The following OSBPL3 variants were observed in gnomAD, a reference collection of about 807,000 sequenced individuals.
OSBPL3 encodes oxysterol binding protein like 3, also known as oxysterol-binding protein-related protein 3.
OSBPL3 carries 65 observed loss-of-function variants against 120.1 expected under a neutral mutation model. That is an observed-to-expected ratio of 0.54 (90% confidence interval 0.44 to 0.67). The LOEUF is 0.67. Among genes scored for constraint, OSBPL3 ranks in the 30% least tolerant of loss-of-function variants. The pLI is 0.00. For missense variants in OSBPL3, 1,004 were observed against 1,082.1 expected (o/e 0.93, Z 1.01); for synonymous variants, 416 against 402.6 (o/e 1.03, Z -0.40).
At chr7:24,841,384 T>C (rs189596625) in intron 13 of OSBPL3, among the ~76,000 whole-genome samples, 2 of 151,894 alleles carry the variant, frequency 1.3e-5, no homozygotes, top group African/African-American at 4.8e-5. Context: ...TCCTTCTCTA[T>C]AGTAGACACA....
rs981881359 is a variant in OSBPL3 at position 24,833,015 on chromosome 7, C to T, written c.1746+1471G>A. Among the ~76,000 whole-genome samples, 2 of 152,184 alleles carry T rather than the reference C, an allele frequency of 1.3e-5. No individual in the cohort carries two copies. Among genetic ancestry groups the T allele is most frequent in the African/African-American group, 2.4e-5 (1 of 41,436 alleles). On this transcript the variant is annotated intron_variant, in intron 15 of 22. Transcript: ENST00000313367. This position sits in a 1 kb window ranked among gnomAD's most constrained non-coding sequence, Gnocchi z 4.4. ...TGAAACATCTTTAAGAAACTTTCAT[C>T]CTCAAAGCCAATCATTTCCTTTAAA...
intron 1 of OSBPL3, among the ~76,000 whole-genome samples, chr7:24,948,203 TAGG>T (rs1813969617): frequency 6.6e-6 from 1 of 152,294 alleles, no homozygotes; most frequent in Middle Eastern, 3.4e-3. Context: ...AAGAAAGTCT[TAGG>T]AGAAGACAGA....
rs1816610526 is a variant in OSBPL3 at position 24,968,275 on chromosome 7, ATGGTGTAAATACTCCCACTGT to A, written c.-150+11590_-150+11610del. Among the ~76,000 whole-genome samples the A allele has an allele frequency of 3.9e-5, 6 of 152,228 alleles. No homozygotes were observed. The highest frequency in any genetic ancestry group is 2.6e-4 in the Admixed American group (4 of 15,290). Reference sequence around the variant, plus strand: ...TCATGTGTTATGTTTCCTGATTTCCATGGTGTAAATACTCCCACTGTGGCTGGCTTCAAACTACCAACATGA... The same window carrying A: ...TCATGTGTTATGTTTCCTGATTTCCAGGCTGGCTTCAAACTACCAACATGA... On this transcript the variant is annotated intron_variant, in intron 1 of 22. Transcript: ENST00000313367. This position sits in a 1 kb window ranked among gnomAD's most constrained non-coding sequence, Gnocchi z 4.6.
Position 24,866,034 on chromosome 7 carries a change from C to T in OSBPL3, c.549+36G>A, listed in dbSNP as rs544110335. ...AGGACTCCATGAAACAAAGCCACCC[C>T]GTTCTCAGATTCATTATTGGCAAAA... is the stretch of plus-strand genomic sequence containing the variant. On this transcript the variant is annotated intron_variant, in intron 6 of 22. Transcript: ENST00000313367. 29 of 1,572,904 alleles carry T rather than the reference C, an allele frequency of 1.8e-5. No homozygotes were observed. The Admixed American group carries it at 1.9e-4, about 10-fold the overall frequency.
chr7:24,883,034 C>T lies in OSBPL3; in HGVS notation c.96+9343G>A, dbSNP rs1467311304. ...TCTCCCATTTTGCAGGTAGTCTGTT[C>T]ACTGTTTTCCTTTTGCTGTGCAGAA... On this transcript the variant is annotated intron_variant, in intron 2 of 22. Transcript: ENST00000313367. The surrounding 1 kb of genome is among the most constrained non-coding windows in gnomAD (Gnocchi z 5.4). 1.3e-5 allele frequency among the ~76,000 whole-genome samples: 2 copies of T among 152,172 alleles called. No individual in the cohort carries two copies. Among genetic ancestry groups the T allele is most frequent in the Non-Finnish European group, 2.9e-5 (2 of 68,026 alleles).
rs1455126835 is a variant in OSBPL3, at chr7:24,802,599, G to A, written c.2567+1716C>T. ...TTTCCAGCAGAGCTCCACAGGCTTCGTAAGGTCATCCTTAATGCCTCATGT... is the reference window on the plus strand; with the variant it reads ...TTTCCAGCAGAGCTCCACAGGCTTCATAAGGTCATCCTTAATGCCTCATGT... On this transcript the variant is annotated intron_variant, in intron 22 of 22. Coordinates refer to ENST00000313367, the MANE Select transcript of OSBPL3 (RefSeq NM_015550.4). This position sits in a 1 kb window ranked among gnomAD's most constrained non-coding sequence, Gnocchi z 4.1. Among the ~76,000 whole-genome samples, 1 of 152,250 alleles carries A rather than the reference G, an allele frequency of 6.6e-6. No homozygotes were observed. The highest frequency in any genetic ancestry group is 2.4e-5 in the African/African-American group (1 of 41,538).
chr7:24,834,615 G>T lies in OSBPL3; in HGVS notation c.1617C>A (p.Asp539Glu), dbSNP rs565584241. 3 of 1,614,110 alleles carry T rather than the reference G, an allele frequency of 1.9e-6. No individual in the cohort carries two copies. The highest frequency in any genetic ancestry group is 2.5e-6 in the Non-Finnish European group (3 of 1,180,046). ...CCACCGGCATGGCCACCTTGGACAG[G>T]TCCTTCCCGATGTTGTTCCTCAGGA... ...WNILRNNIGK[D>E]LSKVAMPVEL... Residue 539 changes from aspartate (D) to glutamate (E), a missense_variant, in exon 15 of 23, where the codon GAC (aspartate) becomes GAA (glutamate). Physicochemically the swap from Asp to Glu is conservative, Grantham distance 45. Around this residue, in one of 4 missense-constraint regions of OSBPL3, gnomAD observed 473 missense variants for 568.0 expected, o/e 0.83. Coordinates refer to ENST00000313367, the MANE Select transcript of OSBPL3 (RefSeq NM_015550.4). The surrounding 1 kb of genome is among the most constrained non-coding windows in gnomAD (Gnocchi z 5.2).
chr7:24,971,569 G>T (rs1439189889), intron 1 of OSBPL3, among the ~76,000 whole-genome samples: 2 of 152,192 alleles, frequency 1.3e-5, no homozygotes, highest in African/African-American at 4.8e-5. Flanking sequence ...CAGCTGAGGG[G>T]AATGGGGCCC....
intron 2 of OSBPL3, among the ~76,000 whole-genome samples, chr7:24,889,594 C>G (rs149681100): frequency 1.3e-4 from 19 of 151,580 alleles, no homozygotes; most frequent in Admixed American, 5.9e-4. Flanking sequence ...ATTAGCTCAA[C>G]AAACCTGAAA....
Position 24,871,628 on chromosome 7 carries a change from A to AT in OSBPL3, c.267+113dup, listed in dbSNP as rs1802125427. 4 of 794,008 alleles carry AT rather than the reference A, an allele frequency of 5.0e-6. No individual in the cohort carries two copies. In the Admixed American group the frequency reaches 9.4e-5, roughly 19 times the overall value. 49.2% of individuals were successfully genotyped at this position (794,008 alleles called of 1,614,324 possible). The stretch of plus-strand genomic sequence containing the variant: ...GCTCAGACAGAAGTGTTTCCCCTCT[A>AT]TGGTTTCCAGTTCCGAGAAAAGCTA... On this transcript the variant is annotated intron_variant, in intron 4 of 22. Coordinates refer to ENST00000313367, the MANE Select transcript of OSBPL3 (RefSeq NM_015550.4). This position sits in a 1 kb window ranked among gnomAD's most constrained non-coding sequence, Gnocchi z 4.8.
chr7:24,859,523 G>C (rs1335448260), intron 10 of OSBPL3, among the ~76,000 whole-genome samples: 1 of 151,982 alleles, frequency 6.6e-6, no homozygotes, highest in Non-Finnish European at 1.5e-5. Flanking sequence ...TTTATGCTGA[G>C]GACATCTTTC....
chr7:24,812,364 T>C (rs1236840558), intron 19 of OSBPL3, among the ~76,000 whole-genome samples: 1 of 150,394 alleles, frequency 6.6e-6, no homozygotes, highest in African/African-American at 2.4e-5. Context: ...TTTCTATATA[T>C]CAAGCGAGTA....
rs1267520998 is a variant in OSBPL3 at position 24,867,977 on chromosome 7, T to C, written c.382-1740A>G. Among the ~76,000 whole-genome samples the C allele has an allele frequency of 6.6e-6, 1 of 152,206 alleles. No individual in the cohort carries two copies. Among genetic ancestry groups the C allele is most frequent in the Admixed American group, 6.5e-5 (1 of 15,278 alleles). On this transcript the variant is annotated intron_variant, in intron 5 of 22. Transcript: ENST00000313367. This position sits in a 1 kb window ranked among gnomAD's most constrained non-coding sequence, Gnocchi z 4.5. ...CAAATGTTTATAAAAATATGTGATATATATAAAAAGACTATAACAAGCACC... is the reference window on the plus strand; with the variant it reads ...CAAATGTTTATAAAAATATGTGATACATATAAAAAGACTATAACAAGCACC...
intron 1 of OSBPL3, among the ~76,000 whole-genome samples, chr7:24,974,189 A>G (rs1393980929): frequency 1.3e-5 from 2 of 152,234 alleles, no homozygotes; most frequent in South Asian, 4.1e-4. Flanking sequence ...CAGACAGCAC[A>G]GATAGAGAAT....
chr7:24,949,685 C>G (rs1814154619), intron 1 of OSBPL3, among the ~76,000 whole-genome samples: 1 of 152,120 alleles, frequency 6.6e-6, no homozygotes, highest in African/African-American at 2.4e-5. Context: ...TGGGTGGCAT[C>G]AACTCAGCCT....
chr7:24,935,890 T>TA (rs888159851), intron 1 of OSBPL3, among the ~76,000 whole-genome samples: 11 of 152,204 alleles, frequency 7.2e-5, no homozygotes, highest in African/African-American at 2.7e-4. Flanking sequence ...ATCTTTTTTT[T>TA]TTATTATTAT....
At chr7:24,811,258 T>G (rs1226546793) in intron 19 of OSBPL3, among the ~76,000 whole-genome samples, 1 of 152,250 alleles carries the variant, frequency 6.6e-6, no homozygotes. Flanking sequence ...CAATTTGCAT[T>G]TCCCTGATGA....
intron 1 of OSBPL3, among the ~76,000 whole-genome samples, chr7:24,923,490 G>C (rs1425778485): frequency 6.6e-6 from 1 of 152,214 alleles, no homozygotes; most frequent in East Asian, 1.9e-4. Flanking sequence ...GAACTCAGTA[G>C]ATGGGTAGGA....
In OSBPL3 at chr7:24,913,885, A is replaced by G. The variant is rs1389443015; in HGVS notation, c.-149-21264T>C. ...ACACCCAGAAATGGAAAACAGAGCT[A>G]AAGTAAAGTAAAAGTTCTACATATA... On this transcript the variant is annotated intron_variant, in intron 1 of 22. Transcript: ENST00000313367. The surrounding 1 kb of genome is among the most constrained non-coding windows in gnomAD (Gnocchi z 5.3). Among the ~76,000 whole-genome samples the G allele has an allele frequency of 6.6e-6, 1 of 152,220 alleles. No homozygotes were observed. Among genetic ancestry groups the G allele is most frequent in the East Asian group, 1.9e-4 (1 of 5,196 alleles).
Sources: gnomAD v4.1 joint callset for allele counts (sites outside exome capture counted in the v4.1 genomes callset) on GRCh38, gnomAD v4.1.1 for gene constraint, gnomAD v4.1.1 regional missense constraint, Gnocchi (gnomAD v3.1) non-coding constraint, MANE v1.5 for transcripts, NCBI Gene and HGNC (gene_info 2026-07-23, HGNC 2026-07-21) for gene names.